DIAPH2: variants seen among roughly 807,000 people sequenced by gnomAD.
DIAPH2 encodes diaphanous related formin 2.
A neutral mutation model predicts 92.7 loss-of-function variants in DIAPH2; 35 were observed. The observed-to-expected ratio is 0.38, with a 90% CI of 0.29 to 0.50. The LOEUF (loss-of-function observed/expected upper bound fraction) is 0.50. DIAPH2 is among the 20% of genes least tolerant of loss of function. The pLI is 0.94. For missense variants in DIAPH2, 701 were observed against 819.5 expected (o/e 0.86, Z 1.77); for synonymous variants, 301 against 280.4 (o/e 1.07, Z -0.73).
intron 26 of DIAPH2, among the ~76,000 whole-genome samples, chrX:97,437,174 A>C (rs1018609255): frequency 9.0e-6 from 1 of 111,642 alleles, no homozygotes; most frequent in South Asian, 3.8e-4. Context: ...CGTTCATTCC[A>C]AGCTGTTTAC....
chrX:96,918,645 C>G (rs187748363), intron 9 of DIAPH2, 28 bp downstream of exon 9: 14 of 1,013,113 alleles, frequency 1.4e-5, no homozygotes, highest in African/African-American at 1.3e-4. Context: ...TAAATTGCTT[C>G]TAGAGTTATA....
At chrX:97,172,655 T>G (rs1188928839) in intron 22 of DIAPH2, among the ~76,000 whole-genome samples, 1 of 112,292 alleles carries the variant, frequency 8.9e-6, no homozygotes, top group Non-Finnish European at 1.9e-5. Context: ...TAAATTTTCT[T>G]TACATTTTAG....
intron 25 of DIAPH2, among the ~76,000 whole-genome samples, chrX:97,400,688 C>A (rs866803648): frequency 2.7e-5 from 3 of 109,690 alleles, no homozygotes; most frequent in Non-Finnish European, 3.8e-5. Context: ...TCTCTTCCCC[C>A]AGCTGTTGGC....
Position 97,206,170 on chromosome X carries a change from G to A in DIAPH2, c.2720-41545G>A, listed in dbSNP as rs80072312. On this transcript the variant is annotated intron_variant, in intron 22 of 26. Transcript: ENST00000324765. ...GACCTGTCATGGGGTCGGAGTCAAG[G>A]GGAGGGAGAGCATTAGGACAAATAC... 2.7e-5 allele frequency among the ~76,000 whole-genome samples: 3 copies of A among 110,776 alleles called. No individual in the cohort carries two copies. In the East Asian group the frequency reaches 8.6e-4, roughly 32 times the overall value.
chrX:97,542,336 G>A (rs779561816), intron 26 of DIAPH2, among the ~76,000 whole-genome samples: 1 of 112,064 alleles, frequency 8.9e-6, no homozygotes, highest in South Asian at 3.8e-4. Context: ...GAGGCTTATA[G>A]GAGAGTTTAA....
intron 23 of DIAPH2, among the ~76,000 whole-genome samples, chrX:97,325,922 C>G (rs764950603): frequency 1.6e-4 from 18 of 112,265 alleles, no homozygotes. Context: ...GTTTTCAACT[C>G]TTGTTAAATA....
At chrX:96,906,043 G>A (rs1396800625) in intron 5 of DIAPH2, among the ~76,000 whole-genome samples, 1 of 112,582 alleles carries the variant, frequency 8.9e-6, no homozygotes, top group East Asian at 2.8e-4. Context: ...GCAGGAGAAT[G>A]GGGTGAACCC....
intron 5 of DIAPH2, among the ~76,000 whole-genome samples, chrX:96,908,745 G>A (rs1252733156): frequency 2.7e-5 from 3 of 110,999 alleles, no homozygotes; most frequent in African/African-American, 9.8e-5. Flanking sequence ...GACTACAGGC[G>A]CCCGCCACCA....
chrX:97,306,048 G>GAA (rs11442631), intron 23 of DIAPH2, among the ~76,000 whole-genome samples: 50 of 98,514 alleles, frequency 5.1e-4, no homozygotes, highest in Middle Eastern at 5.2e-3. Flanking sequence ...AAAGTATAAA[G>GAA]AAAAAAAAAA....
chrX:96,896,928 T>C (rs770045014), intron 5 of DIAPH2, among the ~76,000 whole-genome samples: 1 of 111,696 alleles, frequency 9.0e-6, no homozygotes, highest in African/African-American at 3.3e-5. Context: ...TTTATTTCAC[T>C]ATAATATAAG....
chrX:97,232,410 T>A (rs1272399210), intron 22 of DIAPH2, among the ~76,000 whole-genome samples: 2 of 111,381 alleles, frequency 1.8e-5, no homozygotes, highest in Non-Finnish European at 3.8e-5. Context: ...AATTTTTGTA[T>A]TTTTAGTAGC....
chrX:97,273,291 A>G (rs1193394906), intron 23 of DIAPH2, among the ~76,000 whole-genome samples: 3 of 112,371 alleles, frequency 2.7e-5, no homozygotes, highest in African/African-American at 9.7e-5. Context: ...CAAGAAATAC[A>G]TACAAGAAAT....
chrX:97,185,483 A>ATT (rs1569323413), intron 22 of DIAPH2, among the ~76,000 whole-genome samples: 7 of 8,582 alleles, frequency 8.2e-4, no homozygotes, highest in Non-Finnish European at 2.4e-3. Context: ...ACATATATAT[A>ATT]TATATATATA....
rs146648944 is a variant in DIAPH2 at position 97,515,502 on chromosome X, G to T, written c.3242-83751G>T. ...CGCTCACGCTGGGAGCTGTAGACCA[G>T]AGCTGTTCCTATTCAGCCATCTTGG... On this transcript the variant is annotated intron_variant, in intron 26 of 26. Coordinates refer to ENST00000324765, the MANE Select transcript of DIAPH2 (RefSeq NM_006729.5). Among the ~76,000 whole-genome samples the T allele has an allele frequency of 5.6e-3, 631 of 112,348 alleles. 2 individuals carry two copies. The highest frequency in any genetic ancestry group is 0.019 in the African/African-American group (598 of 30,961).
At chrX:97,335,282 C>T (rs754242765) in intron 23 of DIAPH2, among the ~76,000 whole-genome samples, 1 of 111,714 alleles carries the variant, frequency 9.0e-6, no homozygotes, top group African/African-American at 3.2e-5. Context: ...TGTTACTTAT[C>T]GTCTCCTAAC....
chrX:96,771,647 A>G (rs2064339783), intron 4 of DIAPH2, among the ~76,000 whole-genome samples: 1 of 111,789 alleles, frequency 8.9e-6, no homozygotes, highest in Non-Finnish European at 1.9e-5. Flanking sequence ...GTGGCATAAC[A>G]GAGGGATTTT....
At chrX:96,882,959 C>CAAAAAAAAAAA (rs1211958338) in intron 5 of DIAPH2, among the ~76,000 whole-genome samples, 33 of 31,975 alleles carry the variant, frequency 1.0e-3, no homozygotes, top group Non-Finnish European at 1.3e-3. Context: ...ACCCTGTCTC[C>CAAAAAAAAAAA]AAAAAAAAAA....
At chrX:97,092,127 C>G (rs757204931) in intron 19 of DIAPH2, among the ~76,000 whole-genome samples, 1 of 112,254 alleles carries the variant, frequency 8.9e-6, no homozygotes, top group African/African-American at 3.2e-5. Context: ...ACTTCAGTGT[C>G]TGGTTATGTG....
At chrX:97,282,264 C>T (rs1276589909) in intron 23 of DIAPH2, among the ~76,000 whole-genome samples, 1 of 111,536 alleles carries the variant, frequency 9.0e-6, no homozygotes, top group Non-Finnish European at 1.9e-5. Flanking sequence ...TTGTAATTCC[C>T]AGTAGCCACT....
Sources: gnomAD v4.1 joint callset for allele counts (sites outside exome capture counted in the v4.1 genomes callset) on GRCh38, gnomAD v4.1.1 for gene constraint, MANE v1.5 for transcripts, NCBI Gene and HGNC (gene_info 2026-07-23, HGNC 2026-07-21) for gene names.